The following INSC variants were observed in gnomAD, a reference collection of about 807,000 sequenced individuals.
The protein encoded by INSC is INSC spindle orientation adaptor protein, also known as protein inscuteable homolog.
INSC carries 67 observed loss-of-function variants against 58.6 expected under a neutral mutation model. That is an observed-to-expected ratio of 1.14 (90% confidence interval 0.94 to 1.40). INSC has a LOEUF of 1.40. Among genes scored for constraint, INSC ranks in the 40% most tolerant of loss-of-function variants. INSC has a pLI of 0.00. For synonymous variants in INSC, 262 were observed against 276.1 expected, an observed-to-expected ratio of 0.95 and a Z score of 0.51; for missense variants, 714 against 692.0, an observed-to-expected ratio of 1.03 and a Z score of -0.36.
At chr11:15,211,587 C>G (rs904125936) in intron 7 of INSC, among the ~76,000 whole-genome samples, 2 of 152,060 alleles carry the variant, frequency 1.3e-5, no homozygotes, top group South Asian at 4.1e-4. Context: ...CTGCTTGCGT[C>G]CATTTAAGAA....
In INSC at chr11:15,239,026, C is replaced by T. The variant is rs566217542; in HGVS notation, c.1345C>T (p.Arg449Cys). 6.4e-4 allele frequency: 1,029 copies of T among 1,614,116 alleles called. 8 individuals carry two copies. In the South Asian group the frequency reaches 0.01, roughly 16 times the overall value. The change falls in exon 11 of 13, where the codon CGT (arginine) becomes TGT (cysteine). Residue 449 changes from arginine (R) to cysteine (C), a missense_variant. By Grantham distance (180) the Arg-to-Cys change is radical. Transcript: ENST00000379556. ...GCAGAAAGCTGCAGTGACCCTGGCT[C>T]GTCTCAGCCGAGACCCAGATGTGGC... is the stretch of plus-strand genomic sequence containing the variant. ...VQQKAAVTLA[R>C]LSRDPDVARE...
chr11:15,256,491 A>AGTTTTTTTTTTTTTTT, the INSC span, among the ~76,000 whole-genome samples: 1 of 141,976 alleles, frequency 7.0e-6, no homozygotes, highest in African/African-American at 2.6e-5. Context: ...ATTTCATTTC[A>AGTTTTTTTTTTTTTTT]TTTTTTTTTT....
chr11:15,196,534 G>T (rs534370186), intron 6 of INSC, among the ~76,000 whole-genome samples: 8 of 152,146 alleles, frequency 5.3e-5, no homozygotes, highest in South Asian at 4.2e-4. Flanking sequence ...TTCTGCTCCT[G>T]GTCCACTGCA....
At chr11:15,137,524 C>T (rs1372644079) in intron 1 of INSC, among the ~76,000 whole-genome samples, 1 of 152,216 alleles carries the variant, frequency 6.6e-6, no homozygotes, top group African/African-American at 2.4e-5. Flanking sequence ...TTCTGGATAA[C>T]TTGCTGCACT....
intron 2 of INSC, among the ~76,000 whole-genome samples, chr11:15,172,544 G>A (rs1849436058): frequency 6.6e-6 from 1 of 152,228 alleles, no homozygotes; most frequent in Non-Finnish European, 1.5e-5. Flanking sequence ...GTGCCCCACT[G>A]AAGGATGCAG....
chr11:15,174,454 G>A (rs1849506937), intron 2 of INSC, among the ~76,000 whole-genome samples: 1 of 151,988 alleles, frequency 6.6e-6, no homozygotes, highest in Non-Finnish European at 1.5e-5. Flanking sequence ...TCACTTGAAT[G>A]TAACATTGGC....
the INSC span, among the ~76,000 whole-genome samples, chr11:15,263,101 T>C: frequency 6.6e-6 from 1 of 152,264 alleles, no homozygotes; most frequent in East Asian, 1.9e-4. Flanking sequence ...ATAGATGTTT[T>C]TAAAAGCAGA....
intron 7 of INSC, among the ~76,000 whole-genome samples, chr11:15,202,970 G>A (rs1850652212): frequency 1.3e-5 from 2 of 152,216 alleles, no homozygotes; most frequent in African/African-American, 4.8e-5. Flanking sequence ...AGAAAGAGAT[G>A]CTCGTAGTCT....
intron 8 of INSC, among the ~76,000 whole-genome samples, chr11:15,223,338 T>C (rs1851515289): frequency 6.6e-6 from 1 of 152,244 alleles, no homozygotes; most frequent in South Asian, 2.1e-4. Flanking sequence ...GGGGTCTTCC[T>C]ATTTGTTTCA....
intron 2 of INSC, among the ~76,000 whole-genome samples, chr11:15,164,305 A>G (rs1849120297): frequency 6.6e-6 from 1 of 152,202 alleles, no homozygotes; most frequent in Non-Finnish European, 1.5e-5. Flanking sequence ...CAGGAAACCT[A>G]TTCTAACTTT....
At chr11:15,226,538 G>GA (rs1851646050) in intron 9 of INSC, among the ~76,000 whole-genome samples, 1 of 152,174 alleles carries the variant, frequency 6.6e-6, no homozygotes, top group Admixed American at 6.5e-5. Context: ...TCACCACCAA[G>GA]GAGTGGGGGT....
intron 7 of INSC, among the ~76,000 whole-genome samples, chr11:15,219,902 G>A (rs1363174398): frequency 6.6e-6 from 1 of 152,186 alleles, no homozygotes; most frequent in Non-Finnish European, 1.5e-5. Context: ...GCCCAAACGA[G>A]GCCTCTCTCT....
chr11:15,130,353 AG>A (rs1342065628), intron 1 of INSC, among the ~76,000 whole-genome samples: 1 of 152,140 alleles, frequency 6.6e-6, no homozygotes, highest in Admixed American at 6.5e-5. Flanking sequence ...GATGGCCGTA[AG>A]GTTTTTTCCT....
At chr11:15,120,741 G>A (rs1391868941) in intron 1 of INSC, among the ~76,000 whole-genome samples, 1 of 152,074 alleles carries the variant, frequency 6.6e-6, no homozygotes, top group Non-Finnish European at 1.5e-5. Flanking sequence ...CAAGCACTGA[G>A]GTATTTTAAG....
At chr11:15,222,782 C>T (rs1564912408) in intron 8 of INSC, among the ~76,000 whole-genome samples, 1 of 152,196 alleles carries the variant, frequency 6.6e-6, no homozygotes, top group African/African-American at 2.4e-5. Flanking sequence ...GTGGCACTCA[C>T]AGGTCAGGCT....
intron 1 of INSC, among the ~76,000 whole-genome samples, chr11:15,119,018 T>G (rs1847803633): frequency 6.6e-6 from 1 of 152,202 alleles, no homozygotes; most frequent in South Asian, 2.1e-4. Flanking sequence ...TCCAGATCTG[T>G]CTAACTCCAG....
At chr11:15,207,768 A>T (rs1043618892) in intron 7 of INSC, among the ~76,000 whole-genome samples, 2 of 152,222 alleles carry the variant, frequency 1.3e-5, no homozygotes, top group African/African-American at 4.8e-5. Flanking sequence ...AATAAATAAA[A>T]AATTCAAACA....
intron 12 of INSC, among the ~76,000 whole-genome samples, chr11:15,243,103 A>G (rs1270138558): frequency 1.3e-5 from 2 of 152,044 alleles, no homozygotes. Context: ...ACTATGTATT[A>G]ATTGATTTGG....
At chr11:15,183,102 C>G (rs998500143) in intron 5 of INSC, among the ~76,000 whole-genome samples, 1 of 152,156 alleles carries the variant, frequency 6.6e-6, no homozygotes, top group Admixed American at 6.5e-5. Flanking sequence ...AATCTCAGCA[C>G]TTTGGGAGGC....
Sources: gnomAD v4.1 joint callset for allele counts (sites outside exome capture counted in the v4.1 genomes callset) on GRCh38, gnomAD v4.1.1 for gene constraint, MANE v1.5 for transcripts, NCBI Gene and HGNC (gene_info 2026-07-23, HGNC 2026-07-21) for gene names.